Variants in SPSB1 observed in about 807,000 individuals in gnomAD.
The protein encoded by SPSB1 is SPRY domain-containing SOCS box protein 1.
SPSB1 carries 8 observed loss-of-function variants against 21.2 expected under a neutral mutation model. The observed-to-expected ratio is 0.38, with a 90% CI of 0.22 to 0.68. The LOEUF (loss-of-function observed/expected upper bound fraction) is 0.68, where lower values mean the gene tolerates loss of function less well. Ranked by LOEUF, SPSB1 falls within the 30% of genes least tolerant of loss-of-function variation. The pLI is 0.53. For missense variants in SPSB1, 242 were observed against 377.8 expected, an observed-to-expected ratio of 0.64 and a Z score of 2.98; for synonymous variants, 169 against 161.7, an observed-to-expected ratio of 1.05 and a Z score of -0.34.
chr1:9,308,731 G>A (rs942825658), intron 1 of SPSB1, among the ~76,000 whole-genome samples: 1 of 152,200 alleles, frequency 6.6e-6, no homozygotes, highest in Non-Finnish European at 1.5e-5. Flanking sequence ...GAGAAAGGAG[G>A]ACTTTTTTTT....
chr1:9,308,235 G>T (rs1281932351), intron 1 of SPSB1, among the ~76,000 whole-genome samples: 2 of 152,188 alleles, frequency 1.3e-5, no homozygotes, highest in East Asian at 3.9e-4. Flanking sequence ...AGTGCTGTTG[G>T]GGCAGTGCTG....
At chr1:9,362,558 G>C (rs183647992) in intron 2 of SPSB1, among the ~76,000 whole-genome samples, 1 of 152,240 alleles carries the variant, frequency 6.6e-6, no homozygotes, top group Non-Finnish European at 1.5e-5. Flanking sequence ...AGGACATTGC[G>C]GAAGCCGGGG....
chr1:9,299,274 G>A (rs1193321768), intron 1 of SPSB1, among the ~76,000 whole-genome samples: 1 of 152,188 alleles, frequency 6.6e-6, no homozygotes, highest in African/African-American at 2.4e-5. Context: ...TGGGCTGATG[G>A]GTATATCAGC....
intron 1 of SPSB1, among the ~76,000 whole-genome samples, chr1:9,308,616 G>A (rs1639460834): frequency 6.6e-6 from 1 of 152,196 alleles, no homozygotes; most frequent in East Asian, 1.9e-4. Context: ...CACATGTATT[G>A]ATTGAATGTG....
intron 1 of SPSB1, among the ~76,000 whole-genome samples, chr1:9,315,301 C>G (rs1010905888): frequency 6.6e-6 from 1 of 152,248 alleles, no homozygotes; most frequent in Non-Finnish European, 1.5e-5. Context: ...GACACAGCCC[C>G]GTGCCAGTGT....
rs1553128958 is a variant in SPSB1, at chr1:9,361,156, C to CCTTTTTTTTTT, written c.694+4571_694+4572insCTTTTTTTTTT. ...CAGGCATGGCTGGATCTGTCATTTT[C>CCTTTTTTTTTT]TTTTTTTTTTTTTTTTTTTTTTTTT... is the stretch of plus-strand genomic sequence containing the variant. On this transcript the variant is annotated intron_variant, in intron 2 of 2. Transcript: ENST00000328089. Among the ~76,000 whole-genome samples the CCTTTTTTTTTT allele has an allele frequency of 2.7e-4, 28 of 102,572 alleles. 11 individuals carry two copies. Among genetic ancestry groups the CCTTTTTTTTTT allele is most frequent in the East Asian group, 1.2e-3 (4 of 3,420 alleles). 67.3% of individuals were successfully genotyped at this position (102,572 alleles called of 152,430 possible).
At position 9,356,284 on chromosome 1, in the gene SPSB1, C is replaced by A; in HGVS notation, c.393C>A (p.Thr131=). The change falls in exon 2 of 3, where the codon ACC becomes ACA. Residue 131 remains threonine, a synonymous_variant. Coordinates refer to ENST00000328089, the MANE Select transcript of SPSB1 (RefSeq NM_025106.4). The surrounding 1 kb of genome is among the most constrained non-coding windows in gnomAD (Gnocchi z 7.4). The part of the protein sequence containing the change: ...DAPLHSVGYT[T]LVGNNHESWG... ...CCCTGCACTCTGTCGGGTACACAAC[C>A]CTCGTGGGGAATAACCACGAGTCCT... 1 of 1,613,530 alleles carries A rather than the reference C, an allele frequency of 6.2e-7. No homozygotes were observed.
chr1:9,367,527 C>T lies in SPSB1; in HGVS notation c.774C>T (p.His258=). ...ALGRERLGEI[H]TLPLPASLKA... is the part of the protein sequence containing the mutation. ...GGAGGGAGCGCCTGGGGGAGATCCA[C>T]ACGCTGCCGCTGCCGGCTTCCCTCA... Residue 258 remains histidine, a synonymous_variant, in exon 3 of 3, where the codon CAC becomes CAT. Transcript: ENST00000328089. The surrounding 1 kb of genome is among the most constrained non-coding windows in gnomAD (Gnocchi z 5.9). The T allele has an allele frequency of 3.1e-6, 5 of 1,613,044 alleles. No homozygotes were observed. The highest frequency in any genetic ancestry group is 4.2e-6 in the Non-Finnish European group (5 of 1,179,582).
intron 1 of SPSB1, among the ~76,000 whole-genome samples, chr1:9,342,517 G>A (rs563824448): frequency 2.4e-4 from 37 of 152,200 alleles, no homozygotes; most frequent in Non-Finnish European, 4.7e-4. Context: ...GCCTCAGGGT[G>A]TTGACCTGCT....
In SPSB1 at chr1:9,332,522, A is replaced by G. The variant is rs542807872; in HGVS notation, c.-149-23221A>G. On this transcript the variant is annotated intron_variant, in intron 1 of 2. Coordinates refer to ENST00000328089, the MANE Select transcript of SPSB1 (RefSeq NM_025106.4). ...TGGGAGCAGGGTCACTGCTGGGGAG[A>G]TGATATTTGGTGGACACGTCAGGTT... 1.2e-4 allele frequency among the ~76,000 whole-genome samples: 18 copies of G among 152,080 alleles called. No homozygotes were observed. In the East Asian group the frequency reaches 3.1e-3, roughly 26 times the overall value.
chr1:9,361,156 C>CTTT lies in SPSB1; in HGVS notation c.694+4596_694+4598dup, dbSNP rs57871457. ...CAGGCATGGCTGGATCTGTCATTTT[C>CTTT]TTTTTTTTTTTTTTTTTTTTTTTTT... is the stretch of plus-strand genomic sequence containing the variant. On this transcript the variant is annotated intron_variant, in intron 2 of 2. Transcript: ENST00000328089. 4.3e-4 allele frequency among the ~76,000 whole-genome samples: 44 copies of CTTT among 102,572 alleles called. 2 individuals carry two copies. The highest frequency in any genetic ancestry group is 1.5e-3 in the African/African-American group (37 of 24,222). The allele number at this position is 102,572 out of a possible 152,430, so 67.3% of individuals were successfully genotyped here.
At chr1:9,359,850 G>A (rs1304458092) in intron 2 of SPSB1, among the ~76,000 whole-genome samples, 2 of 151,192 alleles carry the variant, frequency 1.3e-5, no homozygotes, top group African/African-American at 2.4e-5. Context: ...TGGAAGCCGG[G>A]GGGGTGGGTG....
Position 9,355,802 on chromosome 1 carries a change from G to C in SPSB1, c.-90G>C, listed in dbSNP as rs945914481. ...CCTGGCAGCCCTCATTAGGAATTCT[G>C]TCTGGCCCCGATCAGAATACTGGAG... On this transcript the variant is annotated 5_prime_UTR_variant, in exon 2 of 3. Transcript: ENST00000328089. The C allele has an allele frequency of 1.7e-5, 25 of 1,501,044 alleles. No individual in the cohort carries two copies. In the African/African-American group the frequency reaches 2.8e-4, roughly 17 times the overall value. 93.0% of individuals were successfully genotyped at this position (1,501,044 alleles called of 1,614,324 possible).
intron 2 of SPSB1, among the ~76,000 whole-genome samples, chr1:9,364,073 C>T (rs548792246): frequency 1.2e-4 from 18 of 152,376 alleles, no homozygotes; most frequent in Admixed American, 1.0e-3. Flanking sequence ...CCTCTCAGCC[C>T]TCACTGCTGC....
chr1:9,307,588 G>T (rs1639440970), intron 1 of SPSB1, among the ~76,000 whole-genome samples: 3 of 152,180 alleles, frequency 2.0e-5, no homozygotes, highest in African/African-American at 7.2e-5. Context: ...TCCTGGCTCA[G>T]TTGTAGAGGC....
Position 9,363,808 on chromosome 1 carries a change from CT to C in SPSB1, c.695-3639del, listed in dbSNP as rs1396877115. Among the ~76,000 whole-genome samples, 4 of 152,140 alleles carry C rather than the reference CT, an allele frequency of 2.6e-5. No individual in the cohort carries two copies. The East Asian group carries it at 7.7e-4, about 29-fold the overall frequency. On this transcript the variant is annotated intron_variant, in intron 2 of 2. Coordinates refer to ENST00000328089, the MANE Select transcript of SPSB1 (RefSeq NM_025106.4). This position sits in a 1 kb window ranked among gnomAD's most constrained non-coding sequence, Gnocchi z 4.5. ...CTCTGCCTCCCAGGTTCAAGCAATCCTCCTGCCTCAAACTCCCAAGTAGCTG... is the reference window on the plus strand; with the variant it reads ...CTCTGCCTCCCAGGTTCAAGCAATCCCCTGCCTCAAACTCCCAAGTAGCTG...
chr1:9,361,341 T>A (rs190701058), intron 2 of SPSB1, among the ~76,000 whole-genome samples: 4 of 151,946 alleles, frequency 2.6e-5, no homozygotes. Flanking sequence ...TCTGGGGCTT[T>A]GCTGTCTCTG....
chr1:9,357,798 T>C (rs1640397739), intron 2 of SPSB1, among the ~76,000 whole-genome samples: 1 of 152,162 alleles, frequency 6.6e-6, no homozygotes, highest in South Asian at 2.1e-4. Flanking sequence ...TGGGAGTCCG[T>C]GGTAGCAGGA....
intron 1 of SPSB1, among the ~76,000 whole-genome samples, chr1:9,294,172 GTCTGTC>G (rs1320517482): frequency 1.9e-5 from 2 of 103,594 alleles, no homozygotes; most frequent in East Asian, 4.0e-4. Flanking sequence ...GTCTCTGAGT[GTCTGTC>G]TCTGCAAATG....
Sources: allele counts gnomAD v4.1 joint callset (sites outside exome capture counted in the v4.1 genomes callset), GRCh38; gene constraint gnomAD v4.1.1; non-coding constraint Gnocchi (gnomAD v3.1); transcripts MANE v1.5; gene names NCBI Gene and HGNC (gene_info 2026-07-23, HGNC 2026-07-21).